Variants in CACNA1A observed in about 807,000 individuals in gnomAD.
The protein encoded by CACNA1A is voltage-dependent P/Q-type calcium channel subunit alpha-1A.
Under a neutral mutation model 262.4 loss-of-function variants are expected in CACNA1A, and 57 were observed. That is an observed-to-expected ratio of 0.22 (90% CI 0.18 to 0.27). CACNA1A has a LOEUF of 0.27. CACNA1A is among the 10% of genes least tolerant of loss of function. The pLI is 1.00. For missense variants in CACNA1A, 2,526 were observed against 3,562.8 expected (o/e 0.71, Z 7.41); for synonymous variants, 1,431 against 1,419.3 (o/e 1.01, Z -0.18).
chr19:13,266,198 G>A (rs190844522), intron 24 of CACNA1A, among the ~76,000 whole-genome samples: 1 of 152,212 alleles, frequency 6.6e-6, no homozygotes, highest in Admixed American at 6.5e-5. Flanking sequence ...CTGGTTGTAA[G>A]TGGATAATAT....
rs756413933 is a variant in CACNA1A, at chr19:13,371,799, A to G, written c.540-20T>C. ...AAGATGCTGAAAGAAAGAAGCCAGA[A>G]TGGAGAACAGAGGGTGGGTTTTGGG... On this transcript the variant is annotated intron_variant, in intron 3 of 46. Transcript: ENST00000360228. The G allele has an allele frequency of 2.2e-5, 34 of 1,539,052 alleles. No individual in the cohort carries two copies. Among genetic ancestry groups the G allele is most frequent in the Admixed American group, 1.9e-4 (10 of 51,486 alleles).
chr19:13,304,622 TA>T (rs1222559851), intron 15 of CACNA1A, among the ~76,000 whole-genome samples: 30 of 54,864 alleles, frequency 5.5e-4, no homozygotes, highest in Middle Eastern at 0.015. Flanking sequence ...GTGATTTGCC[TA>T]AAAAAAAAAT....
At chr19:13,324,290 T>C (rs1372314426) in intron 10 of CACNA1A, among the ~76,000 whole-genome samples, 1 of 152,070 alleles carries the variant, frequency 6.6e-6, no homozygotes, top group African/African-American at 2.4e-5. Context: ...AAGTTGCAGT[T>C]AGACTGGAGG....
intron 3 of CACNA1A, among the ~76,000 whole-genome samples, chr19:13,399,218 C>A (rs760617630): frequency 1.3e-5 from 2 of 151,996 alleles, no homozygotes; most frequent in African/African-American, 2.4e-5. Context: ...TTATCACCAG[C>A]CTGGAGTTAT....
At chr19:13,261,211 A>G in intron 26 of CACNA1A, 1 of 467,206 alleles carries the variant, frequency 2.1e-6, no homozygotes, top group East Asian at 3.3e-5. Flanking sequence ...CTCACATGAC[A>G]AAGGCGGTGG....
At chr19:13,227,356 C>A in intron 37 of CACNA1A, 75 bp downstream of exon 37, 3 of 610,578 alleles carry the variant, frequency 4.9e-6, no homozygotes, top group South Asian at 2.0e-5. Context: ...TTCTGGTCAG[C>A]ACTAAAAAAA....
chr19:13,309,260 G>A (rs570741875), intron 12 of CACNA1A, among the ~76,000 whole-genome samples: 9 of 151,684 alleles, frequency 5.9e-5, no homozygotes, highest in South Asian at 4.2e-4. Flanking sequence ...CGCCTGCCTC[G>A]GCCTCCCAAA....
intron 37 of CACNA1A, 109 bp from the exon 38 acceptor site, chr19:13,224,881 G>C (rs2055378164): frequency 1.4e-6 from 1 of 729,514 alleles, no homozygotes; most frequent in Admixed American, 2.3e-5. Flanking sequence ...TCTGAAAGCT[G>C]TGGCGGCTGA....
intron 6 of CACNA1A, among the ~76,000 whole-genome samples, chr19:13,344,029 G>GT (rs2058718352): frequency 6.6e-6 from 1 of 152,088 alleles, no homozygotes; most frequent in South Asian, 2.1e-4. Context: ...GGGCAACACA[G>GT]TGAGACCCCA....
At chr19:13,392,045 A>G (rs2059719314) in intron 3 of CACNA1A, among the ~76,000 whole-genome samples, 1 of 150,916 alleles carries the variant, frequency 6.6e-6, no homozygotes, top group Non-Finnish European at 1.5e-5. Context: ...AAAAAAAAAA[A>G]AAGAAAAAAA....
chr19:13,398,226 C>T (rs2059842324), intron 3 of CACNA1A, among the ~76,000 whole-genome samples: 1 of 151,082 alleles, frequency 6.6e-6, no homozygotes, highest in Non-Finnish European at 1.5e-5. Context: ...TGGGCCATTG[C>T]ACTCATGCCT....
At chr19:13,505,519 GC>G (rs973178718) in intron 1 of CACNA1A, among the ~76,000 whole-genome samples, 1 of 151,934 alleles carries the variant, frequency 6.6e-6, no homozygotes, top group African/African-American at 2.4e-5. Context: ...CCCAACCAAG[GC>G]CCCCATAGTT....
intron 29 of CACNA1A, among the ~76,000 whole-genome samples, chr19:13,253,305 C>T (rs2056451115): frequency 9.1e-6 from 1 of 110,198 alleles, no homozygotes; most frequent in South Asian, 3.1e-4. Flanking sequence ...AAAACAAAAA[C>T]CTCCCCCAAC....
At chr19:13,358,011 A>C (rs1049892288) in intron 6 of CACNA1A, among the ~76,000 whole-genome samples, 4 of 152,140 alleles carry the variant, frequency 2.6e-5, no homozygotes, top group Non-Finnish European at 5.9e-5. Context: ...TGTCTCCAAA[A>C]AAACAAAACA....
intron 27 of CACNA1A, chr19:13,259,087 C>T (rs1045228458): frequency 1.3e-5 from 2 of 151,650 alleles, no homozygotes; most frequent in African/African-American, 4.8e-5. Flanking sequence ...GTATGAGCCA[C>T]CACAAGTGGC....
At chr19:13,219,203 G>A (rs557096448) in intron 38 of CACNA1A, among the ~76,000 whole-genome samples, 1 of 150,998 alleles carries the variant, frequency 6.6e-6, no homozygotes, top group African/African-American at 2.4e-5. Context: ...CACCACGCCT[G>A]GCTAATTTTT....
At chr19:13,413,594 A>AC (rs1491059904) in intron 3 of CACNA1A, among the ~76,000 whole-genome samples, 1 of 133,762 alleles carries the variant, frequency 7.5e-6, no homozygotes, top group African/African-American at 2.9e-5. Context: ...AAAAAAAAAA[A>AC]AGGCCAGGCA....
chr19:13,264,101 G>A (rs920151434), intron 24 of CACNA1A, among the ~76,000 whole-genome samples: 3 of 152,142 alleles, frequency 2.0e-5, no homozygotes, highest in South Asian at 4.1e-4. Context: ...AAGGTCTGTT[G>A]GAACTGAGCT....
In CACNA1A at chr19:13,212,856, AGGTCT is replaced by A; in HGVS notation, c.5941-121_5941-117del. On this transcript the variant is annotated intron_variant, in intron 40 of 46. Transcript: ENST00000360228. This position sits in a 1 kb window ranked among gnomAD's most constrained non-coding sequence, Gnocchi z 5.6. ...CACACACACACACACACACTCTCTC[AGGTCT>A]CATCCATCTAGACCCTTCCAATTCC... 1 of 521,244 alleles carries A rather than the reference AGGTCT, an allele frequency of 1.9e-6. No homozygotes were observed. The highest frequency in any genetic ancestry group is 3.4e-6 in the Non-Finnish European group (1 of 297,258). The allele number at this position is 521,244 out of a possible 1,614,324, so 32.3% of individuals were successfully genotyped here.
Sources: allele counts gnomAD v4.1 joint callset (sites outside exome capture counted in the v4.1 genomes callset), GRCh38; gene constraint gnomAD v4.1.1; non-coding constraint Gnocchi (gnomAD v3.1); transcripts MANE v1.5; gene names NCBI Gene and HGNC (gene_info 2026-07-23, HGNC 2026-07-21).